Variants in ANXA4 observed in about 807,000 individuals in gnomAD.
ANXA4 encodes the protein annexin A4, also known as 35-beta calcimedin.
ANXA4 carries 39 observed loss-of-function variants against 49.8 expected under a neutral mutation model. The ratio of observed to expected loss-of-function variants is 0.78; its 90% confidence interval spans 0.61 to 1.02. The LOEUF (loss-of-function observed/expected upper bound fraction) is 1.02, where lower values mean the gene tolerates loss of function less well. Among genes scored for constraint, ANXA4 ranks in the 50% least tolerant of loss-of-function variants. The pLI is 0.00. For synonymous variants in ANXA4, 134 were observed against 152.5 expected, an observed-to-expected ratio of 0.88 and a Z score of 0.89; for missense variants, 360 against 410.1, an observed-to-expected ratio of 0.88 and a Z score of 1.05.
upstream of ANXA4, chr2:69,643,958 G>A: frequency 9.8e-7 from 1 of 1,024,268 alleles, no homozygotes; most frequent in Non-Finnish European, 1.2e-6. Context: ...AAAGACTGTT[G>A]ATATCACCCG....
upstream of ANXA4, chr2:69,741,908 G>A (rs1670408593): frequency 6.6e-6 from 1 of 152,488 alleles, no homozygotes; most frequent in Non-Finnish European, 1.5e-5. Context: ...GGGCGGGCCT[G>A]GGGAGCAGGC....
intron 1 of ANXA4, among the ~76,000 whole-genome samples, chr2:69,746,824 A>C (rs1366427718): frequency 9.3e-5 from 1 of 10,696 alleles, no homozygotes; most frequent in African/African-American, 2.6e-4. Context: ...CAAACAAACA[A>C]ATGAAAAAAA....
At chr2:69,754,945 A>G (rs1670984936) in intron 1 of ANXA4, among the ~76,000 whole-genome samples, 2 of 152,132 alleles carry the variant, frequency 1.3e-5, no homozygotes, top group African/African-American at 2.4e-5. Flanking sequence ...TCTTCCCTCC[A>G]GGCCTGGTTC....
exon 1 of ANXA4, chr2:69,644,455 AC>A (rs1273227341): frequency 2.6e-5 from 4 of 152,066 alleles, no homozygotes; most frequent in African/African-American, 7.2e-5. Context: ...TCCGCCCCTA[AC>A]CTCAAAAGCT....
At chr2:69,748,211 TAA>T (rs1053475490) in intron 1 of ANXA4, among the ~76,000 whole-genome samples, 1 of 151,410 alleles carries the variant, frequency 6.6e-6, no homozygotes, top group Admixed American at 6.6e-5. Flanking sequence ...CCGTCTCTAC[TAA>T]AAAAATACAA....
intron 1 of ANXA4, among the ~76,000 whole-genome samples, chr2:69,766,848 A>G (rs1419240012): frequency 6.6e-6 from 1 of 152,174 alleles, no homozygotes; most frequent in Non-Finnish European, 1.5e-5. Context: ...CTAGCTATAA[A>G]GTGGAGGGGT....
intron 1 of ANXA4, among the ~76,000 whole-genome samples, chr2:69,752,305 T>C (rs903260624): frequency 6.6e-6 from 1 of 152,214 alleles, no homozygotes; most frequent in African/African-American, 2.4e-5. Flanking sequence ...AAGGATCCCA[T>C]GTAAGGAACT....
At chr2:69,758,515 A>G (rs540365589) in intron 1 of ANXA4, among the ~76,000 whole-genome samples, 82 of 152,166 alleles carry the variant, frequency 5.4e-4, no homozygotes, top group Non-Finnish European at 9.6e-4. Context: ...CCAGCTACTC[A>G]ACAGGCTGAG....
At chr2:69,702,037 G>C (rs1210117554) in intron 2 of ANXA4, among the ~76,000 whole-genome samples, 1 of 151,714 alleles carries the variant, frequency 6.6e-6, no homozygotes, top group Non-Finnish European at 1.5e-5. Flanking sequence ...TTTGAGACAG[G>C]GTATCACTCT....
intron 2 of ANXA4, chr2:69,674,499 C>T (rs187353942): frequency 2.7e-4 from 41 of 152,204 alleles, no homozygotes; most frequent in Non-Finnish European, 4.9e-4. Context: ...CACACTGTGA[C>T]GGAAATAAAG....
intron 2 of ANXA4, among the ~76,000 whole-genome samples, 186 bp downstream of exon 2, chr2:69,781,760 C>A (rs1672209229): frequency 6.6e-6 from 1 of 152,040 alleles, no homozygotes; most frequent in African/African-American, 2.4e-5. Flanking sequence ...AGCAACTTGA[C>A]CTTGAAAACT....
At chr2:69,715,329 T>C (rs1252636467) in intron 2 of ANXA4, among the ~76,000 whole-genome samples, 1 of 152,170 alleles carries the variant, frequency 6.6e-6, no homozygotes, top group Non-Finnish European at 1.5e-5. Flanking sequence ...CACCTCAGCC[T>C]CCCAAGTAGC....
At chr2:69,696,966 G>A (rs978994566) in intron 2 of ANXA4, among the ~76,000 whole-genome samples, 1 of 152,078 alleles carries the variant, frequency 6.6e-6, no homozygotes, top group South Asian at 2.1e-4. Context: ...AATACTTAAG[G>A]GTCCTAGGAT....
At chr2:69,819,838 C>T (rs1452591460) in intron 11 of ANXA4, among the ~76,000 whole-genome samples, 2 of 151,982 alleles carry the variant, frequency 1.3e-5, no homozygotes, top group Non-Finnish European at 2.9e-5. Context: ...GAGGCTGAGG[C>T]GGGTGGATTA....
chr2:69,767,960 GTAAA>G (rs1671561427), intron 1 of ANXA4, among the ~76,000 whole-genome samples: 1 of 151,618 alleles, frequency 6.6e-6, no homozygotes, highest in South Asian at 2.1e-4. Context: ...TGCATATTAT[GTAAA>G]TATATACATA....
intron 3 of ANXA4, among the ~76,000 whole-genome samples, chr2:69,724,043 C>T (rs1669892304): frequency 6.6e-6 from 1 of 152,246 alleles, no homozygotes; most frequent in South Asian, 2.1e-4. Flanking sequence ...TCACTTGAAC[C>T]CGGGAGGCGG....
At chr2:69,754,631 G>C (rs575420253) in intron 1 of ANXA4, among the ~76,000 whole-genome samples, 1 of 152,102 alleles carries the variant, frequency 6.6e-6, no homozygotes, top group Non-Finnish European at 1.5e-5. Context: ...CTAGGGTTGG[G>C]CCTAAGAATT....
intron 2 of ANXA4, among the ~76,000 whole-genome samples, chr2:69,708,895 T>A (rs1678587991): frequency 6.6e-6 from 1 of 151,944 alleles, no homozygotes; most frequent in Admixed American, 6.6e-5. Flanking sequence ...CACGTGCCTA[T>A]AATCCCAGCT....
chr2:69,813,033 C>T (rs1196119922), intron 8 of ANXA4, among the ~76,000 whole-genome samples: 3 of 152,142 alleles, frequency 2.0e-5, no homozygotes, highest in African/African-American at 7.2e-5. Context: ...TCAAAGAGGA[C>T]ATTTGATAGG....
Sources: allele counts gnomAD v4.1 joint callset (sites outside exome capture counted in the v4.1 genomes callset), GRCh38; gene constraint gnomAD v4.1.1; transcripts MANE v1.5; gene names NCBI Gene and HGNC (gene_info 2026-07-23, HGNC 2026-07-21).